The following CDK14 variants were observed in gnomAD, a reference collection of about 807,000 sequenced individuals.
The protein encoded by CDK14 is cyclin dependent kinase 14.
CDK14 carries 34 observed loss-of-function variants against 60.7 expected under a neutral mutation model. The ratio of observed to expected loss-of-function variants is 0.56; its 90% CI spans 0.43 to 0.75. The LOEUF (loss-of-function observed/expected upper bound fraction) is 0.75, where lower values mean the gene tolerates loss of function less well. CDK14 is among the 30% of genes least tolerant of loss of function. The pLI is 0.00. For missense variants in CDK14, 482 were observed against 564.1 expected (o/e 0.85, Z 1.47); for synonymous variants, 197 against 203.7 (o/e 0.97, Z 0.28).
chr7:90,609,191 A>C (rs1270473771), intron 2 of CDK14, among the ~76,000 whole-genome samples: 1 of 151,860 alleles, frequency 6.6e-6, no homozygotes, highest in African/African-American at 2.4e-5. Context: ...CACCTGGCTA[A>C]TTTTTGTATT....
intron 7 of CDK14, among the ~76,000 whole-genome samples, chr7:90,905,489 ATAAT>A (rs1381523431): frequency 2.6e-5 from 4 of 152,154 alleles, no homozygotes; most frequent in Non-Finnish European, 5.9e-5. Flanking sequence ...CATGGTCATA[ATAAT>A]TTAAACATTG....
intron 2 of CDK14, among the ~76,000 whole-genome samples, chr7:90,687,312 G>C (rs6465279): frequency 0.84 from 128,291 of 152,030 alleles, 54,310 homozygotes; most frequent in East Asian, 1. Context: ...TATTAACCGA[G>C]CAGAGTTAAG....
At chr7:91,183,407 C>T (rs993794269) in intron 14 of CDK14, among the ~76,000 whole-genome samples, 1 of 152,236 alleles carries the variant, frequency 6.6e-6, no homozygotes, top group Non-Finnish European at 1.5e-5. Flanking sequence ...TGGTCCCATT[C>T]TGCACCCAGT....
At chr7:90,802,726 G>C (rs1391303759) in intron 5 of CDK14, among the ~76,000 whole-genome samples, 1 of 152,002 alleles carries the variant, frequency 6.6e-6, no homozygotes, top group Non-Finnish European at 1.5e-5. Context: ...TGAACATGAG[G>C]CCATAAAATA....
intron 10 of CDK14, among the ~76,000 whole-genome samples, chr7:91,016,054 T>C: frequency 6.6e-6 from 1 of 152,142 alleles, no homozygotes; most frequent in East Asian, 1.9e-4. Flanking sequence ...GCAATGCCTA[T>C]ATGAACCATC....
chr7:90,599,756 T>G (rs567162380), intron 1 of CDK14, among the ~76,000 whole-genome samples: 29 of 152,350 alleles, frequency 1.9e-4, no homozygotes, highest in Non-Finnish European at 1.0e-4. Flanking sequence ...CATGCTGACT[T>G]TATTTTGCTG....
chr7:90,814,958 C>T (rs1175615508), intron 5 of CDK14, among the ~76,000 whole-genome samples: 2 of 152,180 alleles, frequency 1.3e-5, no homozygotes, highest in South Asian at 2.1e-4. Flanking sequence ...CTTTGAGCAT[C>T]CTTCAAGGTC....
intron 4 of CDK14, among the ~76,000 whole-genome samples, chr7:90,765,039 AAAGACAAGCCCCTGGGGAAGC>A (rs1804497212): frequency 6.6e-6 from 1 of 152,214 alleles, no homozygotes; most frequent in African/African-American, 2.4e-5. Flanking sequence ...ATAGGTATTG[AAAGACAAGCCCCTGGGGAAGC>A]AAGAGAGGAA....
At chr7:91,174,458 A>C (rs999749390) in intron 14 of CDK14, among the ~76,000 whole-genome samples, 4 of 151,956 alleles carry the variant, frequency 2.6e-5, no homozygotes, top group Non-Finnish European at 4.4e-5. Context: ...CTGGATGGAG[A>C]ATGACTTTGA....
intron 12 of CDK14, among the ~76,000 whole-genome samples, chr7:91,111,680 G>A (rs913113580): frequency 5.3e-5 from 8 of 152,070 alleles, no homozygotes; most frequent in Admixed American, 2.0e-4. Flanking sequence ...TAATAAATAC[G>A]AGTGTTAAAA....
rs373653707 is a variant in CDK14 at position 91,039,452 on chromosome 7, A to G, written c.1042-6445A>G. On this transcript the variant is annotated intron_variant, in intron 10 of 14. Transcript: ENST00000380050. ...ATATAGTATAAAATGAAAAAGATAC[A>G]TAAGGATGGCCAGTGAAAAACGTGG... Among the ~76,000 whole-genome samples the G allele has an allele frequency of 7.9e-5, 12 of 152,372 alleles. 1 individual carries two copies. In the East Asian group the frequency reaches 2.3e-3, roughly 29 times the overall value.
At chr7:91,099,466 T>C (rs1039341366) in intron 12 of CDK14, among the ~76,000 whole-genome samples, 1 of 152,162 alleles carries the variant, frequency 6.6e-6, no homozygotes, top group Admixed American at 6.5e-5. Context: ...AATTGGGTAA[T>C]CTTTATTCTC....
rs555223440 is a variant in CDK14, at chr7:90,756,399, A to G, written c.464+8624A>G. 2.0e-5 allele frequency among the ~76,000 whole-genome samples: 3 copies of G among 152,362 alleles called. No homozygotes were observed. In the East Asian group the frequency reaches 5.8e-4, roughly 29 times the overall value. ...TTTTCATTTATTATGCCTGAATAAA[A>G]GAAAGACTTTAAAAGTACCTATAAT... On this transcript the variant is annotated intron_variant, in intron 4 of 14. Coordinates refer to ENST00000380050, the MANE Select transcript of CDK14 (RefSeq NM_001287135.2).
In CDK14 at chr7:90,685,605, A is replaced by G. The variant is rs561365813; in HGVS notation, c.124-40962A>G. ...GTGATCCTCCTGCTTCAGCCTCCCA[A>G]CTAGATAGGACTACAAGTGCATGCC... On this transcript the variant is annotated intron_variant, in intron 2 of 14. Transcript: ENST00000380050. Among the ~76,000 whole-genome samples the G allele has an allele frequency of 3.3e-5, 5 of 150,780 alleles. No homozygotes were observed. The East Asian group carries it at 5.8e-4, about 18-fold the overall frequency.
chr7:90,789,535 A>G (rs2116962750), intron 4 of CDK14, among the ~76,000 whole-genome samples: 1 of 152,284 alleles, frequency 6.6e-6, no homozygotes, highest in South Asian at 2.1e-4. Context: ...TGTGTAAAAA[A>G]TACAGTATAA....
Position 90,623,618 on chromosome 7 carries a change from T to G in CDK14, c.123+19369T>G, listed in dbSNP as rs142545937. Reference sequence around the variant, plus strand: ...ATATGTAAGTATTGTGAATATCAGGTTTTTTTTCAGTGATTTTAAGGTAAA... The same window carrying G: ...ATATGTAAGTATTGTGAATATCAGGGTTTTTTTCAGTGATTTTAAGGTAAA... On this transcript the variant is annotated intron_variant, in intron 2 of 14. Transcript: ENST00000380050. 2.8e-3 allele frequency among the ~76,000 whole-genome samples: 432 copies of G among 152,088 alleles called. 5 individuals carry two copies. Among genetic ancestry groups the G allele is most frequent in the African/African-American group, 1.0e-2 (414 of 41,474 alleles).
At chr7:90,955,644 C>T in intron 8 of CDK14, 53 bp from the exon 9 acceptor site, 1 of 1,604,220 alleles carries the variant, frequency 6.2e-7, no homozygotes, top group South Asian at 1.1e-5. Flanking sequence ...AATTTAAATT[C>T]CCTTGTTTTG....
At chr7:91,168,847 C>T (rs549476665) in intron 14 of CDK14, among the ~76,000 whole-genome samples, 1 of 152,194 alleles carries the variant, frequency 6.6e-6, no homozygotes, top group Admixed American at 6.5e-5. Flanking sequence ...TTTTGTGAAA[C>T]TGAAGGGAAG....
chr7:90,657,974 C>G (rs1563033627), intron 2 of CDK14, among the ~76,000 whole-genome samples: 1 of 152,176 alleles, frequency 6.6e-6, no homozygotes, highest in Non-Finnish European at 1.5e-5. Flanking sequence ...TTTGTTCAAA[C>G]TGTAGGATCA....
Sources: gnomAD v4.1 joint callset for allele counts (sites outside exome capture counted in the v4.1 genomes callset) on GRCh38, gnomAD v4.1.1 for gene constraint, MANE v1.5 for transcripts, NCBI Gene and HGNC (gene_info 2026-07-23, HGNC 2026-07-21) for gene names.